The following EDRF1 variants were observed in gnomAD, a reference collection of about 807,000 sequenced individuals.
EDRF1 encodes erythroid differentiation regulatory factor 1.
EDRF1 carries 69 observed loss-of-function variants against 148.7 expected under a neutral mutation model. The observed-to-expected ratio is 0.46, with a 90% CI of 0.38 to 0.57. The LOEUF is 0.57. Ranked by LOEUF, EDRF1 falls within the 20% of genes least tolerant of loss-of-function variation. The probability of loss-of-function intolerance (pLI) is 0.00; values close to 1 mark genes in which losing one functional copy is unlikely to be tolerated. For missense variants in EDRF1, 1,118 were observed against 1,478.7 expected, an observed-to-expected ratio of 0.76 and a Z score of 4.00; for synonymous variants, 515 against 532.8, an observed-to-expected ratio of 0.97 and a Z score of 0.46.
chr10:125,743,193 T>C lies in EDRF1; in HGVS notation c.2507T>C (p.Val836Ala). Residue 836 changes from valine to alanine, a missense_variant, in exon 18 of 25, where the codon GTA becomes GCA. By Grantham distance (64) the Val-to-Ala change is moderately conservative. Coordinates refer to ENST00000356792, the MANE Select transcript of EDRF1 (RefSeq NM_001202438.2). ...KSQNPEHYVQ[V>A]LKRMGNIRNE... ...CAAAATCCAGAACACTATGTACAAG[T>C]ATTAAAGAGAATGGGTAACATTAGA... 6.2e-7 allele frequency: 1 copy of C among 1,613,932 alleles called. No individual in the cohort carries two copies. Among genetic ancestry groups the C allele is most frequent in the African/African-American group, 1.3e-5 (1 of 75,048 alleles).
intron 6 of EDRF1, among the ~76,000 whole-genome samples, chr10:125,728,154 A>T (rs965855721): frequency 1.3e-5 from 2 of 150,724 alleles, no homozygotes; most frequent in African/African-American, 4.9e-5. Flanking sequence ...GTGAGCTGAG[A>T]TCATGTCACT....
chr10:125,763,886 T>A lies in EDRF1; in HGVS notation c.*414T>A, dbSNP rs974304957. 1 of 232,836 alleles carries A rather than the reference T, an allele frequency of 4.3e-6. No homozygotes were observed. Among genetic ancestry groups the A allele is most frequent in the South Asian group, 5.7e-5 (1 of 17,560 alleles). The allele number at this position is 232,836 out of a possible 1,614,324, so 14.4% of individuals were successfully genotyped here. On this transcript the variant is annotated 3_prime_UTR_variant, in exon 25 of 25. Transcript: ENST00000356792. The surrounding 1 kb of genome is among the most constrained non-coding windows in gnomAD (Gnocchi z 4.3). ...CAGGTTCAAGTGGGTTAAGGAGACC[T>A]CCTGTACATCTACAGTGTTTCCTTT... is the stretch of plus-strand genomic sequence containing the variant.
At chr10:125,723,215 A>G (rs1848089146) in intron 3 of EDRF1, 81 bp downstream of exon 3, 3 of 1,214,980 alleles carry the variant, frequency 2.5e-6, no homozygotes, top group Non-Finnish European at 3.7e-6. Context: ...TTTGCATAAT[A>G]TAAATGTGCA....
Position 125,735,871 on chromosome 10 carries a change from A to G in EDRF1, c.1725A>G (p.Val575=), listed in dbSNP as rs766921911. 4.4e-5 allele frequency: 71 copies of G among 1,611,532 alleles called. No homozygotes were observed. The highest frequency in any genetic ancestry group is 3.5e-4 in the South Asian group (32 of 90,704). ...TCAAGTCTGTTGGAGAACTATCAGT[A>G]CCAGAAAAATACAAATCTATTCATC... ...AIIKSVGELS[V]PEKYKSIHQI... The change falls in exon 13 of 25, where the codon GTA becomes GTG. Residue 575 remains valine, a synonymous_variant. Coordinates refer to ENST00000356792, the MANE Select transcript of EDRF1 (RefSeq NM_001202438.2).
At chr10:125,734,413 C>A (rs1186375678) in intron 12 of EDRF1, among the ~76,000 whole-genome samples, 1 of 152,074 alleles carries the variant, frequency 6.6e-6, no homozygotes, top group Non-Finnish European at 1.5e-5. Context: ...GTACCTATTA[C>A]ATGTTGAAAT....
chr10:125,753,481 T>C (rs527619582), intron 23 of EDRF1, among the ~76,000 whole-genome samples: 10 of 152,330 alleles, frequency 6.6e-5, no homozygotes, highest in African/African-American at 2.2e-4. Flanking sequence ...AAAGTCAGGA[T>C]TAATTTCTTC....
At position 125,763,415 on chromosome 10, in the gene EDRF1, C is replaced by T; in HGVS notation, c.3660C>T (p.Val1220=). 6.2e-7 allele frequency: 1 copy of T among 1,611,896 alleles called. No homozygotes were observed. The highest frequency in any genetic ancestry group is 8.5e-7 in the Non-Finnish European group (1 of 1,180,020). The stretch of plus-strand genomic sequence containing the variant: ...TTCTGGAAAGAATCAACGTTATCGT[C>T]CACCTGCTGGGCCAGCTTGCCGCCG... ...ATLLERINVI[V]HLLGQLAAGS... The change falls in exon 25 of 25, where the codon GTC becomes GTT. Residue 1220 remains valine (V), a synonymous_variant. Coordinates refer to ENST00000356792, the MANE Select transcript of EDRF1 (RefSeq NM_001202438.2). This position sits in a 1 kb window ranked among gnomAD's most constrained non-coding sequence, Gnocchi z 4.3.
At chr10:125,757,739 T>A (rs1849983230) in intron 24 of EDRF1, among the ~76,000 whole-genome samples, 1 of 152,256 alleles carries the variant, frequency 6.6e-6, no homozygotes, top group Admixed American at 6.5e-5. Flanking sequence ...TTCAGTACTT[T>A]AAAGATGTCA....
intron 9 of EDRF1, among the ~76,000 whole-genome samples, chr10:125,733,157 G>T (rs1727405507): frequency 1.3e-5 from 2 of 152,142 alleles, no homozygotes; most frequent in Admixed American, 6.6e-5. Context: ...TGAATCTGAG[G>T]TTCTAAATCT....
rs372951840 is a variant in EDRF1 at position 125,738,309 on chromosome 10, C to T, written c.1845C>T (p.Val615=). 4.9e-5 allele frequency: 79 copies of T among 1,613,722 alleles called. No homozygotes were observed. The highest frequency in any genetic ancestry group is 6.0e-5 in the Non-Finnish European group (71 of 1,179,958). Residue 615 remains valine (V), a synonymous_variant, in exon 15 of 25, where the codon GTC becomes GTT. Transcript: ENST00000356792. ...LSYVLEGLKS[V]DSSIKKESDL... is the part of the protein sequence containing the mutation. ...TTTTTTTGCAGGGTTTAAAATCTGT[C>T]GATAGCAGCATCAAAAAAGAAAGCG...
intron 7 of EDRF1, 86 bp downstream of exon 7, chr10:125,729,190 G>C: frequency 6.8e-7 from 1 of 1,463,428 alleles, no homozygotes; most frequent in Non-Finnish European, 9.3e-7. Context: ...AATTGATAGG[G>C]AAAAACTCCA....
chr10:125,720,685 C>T (rs1847943342), intron 1 of EDRF1, among the ~76,000 whole-genome samples: 1 of 151,938 alleles, frequency 6.6e-6, no homozygotes, highest in African/African-American at 2.4e-5. Context: ...GTAGTGCACG[C>T]CTGTAATTCC....
In EDRF1 at chr10:125,753,806, A is replaced by G. The variant is rs771892536; in HGVS notation, c.3506A>G (p.Gln1169Arg). 7.4e-6 allele frequency: 12 copies of G among 1,613,546 alleles called. No homozygotes were observed. The African/African-American group carries it at 1.5e-4, about 20-fold the overall frequency. The stretch of plus-strand genomic sequence containing the variant: ...TCTCGGTTGTCATTTCTTCTCCTTC[A>G]GTCCATTAAACTGCTATCTTCAACT... ...FESRLSFLLL[Q>R]SIKLLSSTKK... Residue 1169 changes from glutamine to arginine, a missense_variant, in exon 24 of 25, where the codon CAG becomes CGG. Around this residue, in one of 3 missense-constraint regions of EDRF1, gnomAD observed 954 missense variants for 1,241.4 expected, o/e 0.77. Coordinates refer to ENST00000356792, the MANE Select transcript of EDRF1 (RefSeq NM_001202438.2).
Position 125,736,008 on chromosome 10 carries a change from T to C in EDRF1, c.1758+104T>C, listed in dbSNP as rs961491678. 82 of 1,107,314 alleles carry C rather than the reference T, an allele frequency of 7.4e-5. 1 individual carries two copies. Among genetic ancestry groups the C allele is most frequent in the Non-Finnish European group, 1.0e-4 (76 of 757,844 alleles). The allele number at this position is 1,107,314 out of a possible 1,614,324, so 68.6% of individuals were successfully genotyped here. A position where few individuals can be genotyped will look rare whatever the true frequency, so the allele number is the denominator to read the frequency against. ...TACCATTACTTCAATAAACCTTTCA[T>C]GGTCTAGCATCTAGTAATCATTAGT... On this transcript the variant is annotated intron_variant, in intron 13 of 24. Transcript: ENST00000356792.
chr10:125,733,728 C>A lies in EDRF1; in HGVS notation c.1370C>A (p.Ala457Asp). ...CAAAATCCATTCACAATGCCGGTAGCCATTCTCTTGTACAAGTGAGTGCTT... is the reference window on the plus strand; with the variant it reads ...CAAAATCCATTCACAATGCCGGTAGACATTCTCTTGTACAAGTGAGTGCTT... ...KYQNPFTMPVAILLYKVACNM... is the reference protein window; with the variant it reads ...KYQNPFTMPVDILLYKVACNM... Residue 457 changes from alanine (A) to aspartate (D), a missense_variant, in exon 11 of 25, where the codon GCC becomes GAC. Physicochemically the swap from Ala to Asp is moderately radical, Grantham distance 126. Coordinates refer to ENST00000356792, the MANE Select transcript of EDRF1 (RefSeq NM_001202438.2). The A allele has an allele frequency of 6.2e-7, 1 of 1,612,688 alleles. No homozygotes were observed. Among genetic ancestry groups the A allele is most frequent in the Non-Finnish European group, 8.5e-7 (1 of 1,178,866 alleles).
chr10:125,719,827 C>G lies in EDRF1; in HGVS notation c.20C>G (p.Ala7Gly). Reference protein sequence around the residue: MGDAKEAGAEGPPAGAA... With the variant: MGDAKEGGAEGPPAGAA... ...GAAGTGATGGGGGATGCCAAGGAGG[C>G]CGGAGCCGAGGGTCCGCCGGCCGGG... The change falls in exon 1 of 25, where the codon GCC becomes GGC. Residue 7 changes from alanine (A) to glycine (G), a missense_variant. Physicochemically the swap from Ala to Gly is moderately conservative, Grantham distance 60 (BLOSUM62 0). Around this residue, in one of 3 missense-constraint regions of EDRF1, gnomAD observed 65 missense variants for 50.3 expected, o/e 1.29. Coordinates refer to ENST00000356792, the MANE Select transcript of EDRF1 (RefSeq NM_001202438.2). 2 of 1,611,442 alleles carry G rather than the reference C, an allele frequency of 1.2e-6. No homozygotes were observed. Among genetic ancestry groups the G allele is most frequent in the Non-Finnish European group, 1.7e-6 (2 of 1,179,224 alleles).
In EDRF1 at chr10:125,743,412, T is replaced by A. The variant is rs540189617; in HGVS notation, c.2590+136T>A. On this transcript the variant is annotated intron_variant, in intron 18 of 24. Coordinates refer to ENST00000356792, the MANE Select transcript of EDRF1 (RefSeq NM_001202438.2). ...TGCTCTATTAGAGAACCTCTTATTA[T>A]TCTTAAGAAATAGAATTAGGAACAC... The A allele has an allele frequency of 3.3e-5, 23 of 704,582 alleles. No individual in the cohort carries two copies. In the African/African-American group the frequency reaches 4.1e-4, roughly 13 times the overall value. The allele number at this position is 704,582 out of a possible 1,614,324, so 43.6% of individuals were successfully genotyped here.
In EDRF1 at chr10:125,743,188, A is replaced by G. The variant is rs778703506; in HGVS notation, c.2502A>G (p.Val834=). The change falls in exon 18 of 25, where the codon GTA becomes GTG. Residue 834 remains valine (V), a synonymous_variant. Transcript: ENST00000356792. Reference sequence around the variant, plus strand: ...AAAGCCAAAATCCAGAACACTATGTACAAGTATTAAAGAGAATGGGTAACA... The same window carrying G: ...AAAGCCAAAATCCAGAACACTATGTGCAAGTATTAAAGAGAATGGGTAACA... ...DLKSQNPEHY[V]QVLKRMGNIR... is the part of the protein sequence containing the mutation. 5.0e-6 allele frequency: 8 copies of G among 1,613,914 alleles called. No individual in the cohort carries two copies. The highest frequency in any genetic ancestry group is 5.9e-6 in the Non-Finnish European group (7 of 1,179,894).
rs2133776069 is a variant in EDRF1 at position 125,763,527 on chromosome 10, T to G, written c.*55T>G. 1.3e-6 allele frequency: 2 copies of G among 1,563,104 alleles called. No homozygotes were observed. Among genetic ancestry groups the G allele is most frequent in the East Asian group, 2.3e-5 (1 of 43,712 alleles). On this transcript the variant is annotated 3_prime_UTR_variant, in exon 25 of 25. Coordinates refer to ENST00000356792, the MANE Select transcript of EDRF1 (RefSeq NM_001202438.2). This position sits in a 1 kb window ranked among gnomAD's most constrained non-coding sequence, Gnocchi z 4.3. ...TCAGTGCCTTCAACACGGAGCCGGTTTGTTCATTCGGTGCTTTGTTTCATT... is the reference window on the plus strand; with the variant it reads ...TCAGTGCCTTCAACACGGAGCCGGTGTGTTCATTCGGTGCTTTGTTTCATT...
Sources: allele counts gnomAD v4.1 joint callset (sites outside exome capture counted in the v4.1 genomes callset), GRCh38; gene constraint gnomAD v4.1.1; regional missense constraint gnomAD v4.1.1; non-coding constraint Gnocchi (gnomAD v3.1); transcripts MANE v1.5; gene names NCBI Gene and HGNC (gene_info 2026-07-23, HGNC 2026-07-21).